ERC2: variants seen among roughly 807,000 people sequenced by gnomAD.
ERC2 encodes the protein ELKS/RAB6-interacting/CAST family member 2, also known as ERC protein 2.
In ERC2, 42 loss-of-function variants were observed where a neutral mutation model predicts 114.8. The ratio of observed to expected loss-of-function variants is 0.37; its 90% CI spans 0.29 to 0.47. The LOEUF is 0.47. Among genes scored for constraint, ERC2 ranks in the 20% least tolerant of loss-of-function variants. ERC2 has a pLI of 0.99. For synonymous variants in ERC2, 454 were observed against 425.5 expected (o/e 1.07, Z -0.82); for missense variants, 939 against 1,150.7 (o/e 0.82, Z 2.66).
chr3:55,650,186 G>A (rs1361912285), intron 17 of ERC2, among the ~76,000 whole-genome samples: 1 of 152,120 alleles, frequency 6.6e-6, no homozygotes, highest in African/African-American at 2.4e-5. Context: ...CCACTGAAAC[G>A]CCCACCCCAC....
At chr3:56,017,772 A>G (rs953866423) in intron 8 of ERC2, among the ~76,000 whole-genome samples, 1 of 152,046 alleles carries the variant, frequency 6.6e-6, no homozygotes. Flanking sequence ...CTGTCTCCCC[A>G]TCACCTCCAC....
intron 6 of ERC2, among the ~76,000 whole-genome samples, chr3:56,097,136 T>G (rs2078105785): frequency 6.6e-6 from 1 of 152,206 alleles, no homozygotes; most frequent in Non-Finnish European, 1.5e-5. Context: ...CTGTGCAAAT[T>G]TACCTTGGCC....
At chr3:55,529,847 C>T (rs186084954) in intron 17 of ERC2, among the ~76,000 whole-genome samples, 1 of 152,216 alleles carries the variant, frequency 6.6e-6, no homozygotes, top group South Asian at 2.1e-4. Flanking sequence ...TGGCTGACTA[C>T]TGTGATTCAA....
chr3:55,879,048 A>G (rs1474230297), intron 14 of ERC2, among the ~76,000 whole-genome samples: 3 of 150,698 alleles, frequency 2.0e-5, no homozygotes. Flanking sequence ...TAAACCATGC[A>G]GTAACTTTCT....
chr3:56,395,705 A>G (rs915900731), intron 2 of ERC2, among the ~76,000 whole-genome samples: 11 of 152,248 alleles, frequency 7.2e-5, no homozygotes, highest in African/African-American at 2.7e-4. Context: ...AGATGCCAGC[A>G]CCATGTTTCC....
At position 55,714,667 on chromosome 3, in the gene ERC2, GTATATATA is replaced by G. The variant is rs59969304; in HGVS notation, c.2713-15163_2713-15156del. 2.9e-3 allele frequency among the ~76,000 whole-genome samples: 254 copies of G among 88,512 alleles called. 1 individual carries two copies. The highest frequency in any genetic ancestry group is 3.6e-3 in the Non-Finnish European group (170 of 46,920). The allele number at this position is 88,512 out of a possible 152,430, so 58.1% of individuals were successfully genotyped here. ...TGTGTGTGTGTGTGTGTGTGTGTGT[GTATATATA>G]TATATATATATATATATATATATAT... On this transcript the variant is annotated intron_variant, in intron 15 of 17. Coordinates refer to ENST00000288221, the MANE Select transcript of ERC2 (RefSeq NM_015576.3).
intron 6 of ERC2, among the ~76,000 whole-genome samples, chr3:56,092,064 T>A (rs1253216862): frequency 6.6e-6 from 1 of 152,220 alleles, no homozygotes; most frequent in Non-Finnish European, 1.5e-5. Flanking sequence ...TACATGTTTC[T>A]CTTAGGTTGT....
chr3:55,752,774 T>TC (rs55680917), intron 14 of ERC2, among the ~76,000 whole-genome samples: 125,346 of 152,126 alleles, frequency 0.82, 52,141 homozygotes, highest in African/African-American at 0.94. Context: ...ACCCGGGTAT[T>TC]TATAATTTTA....
At chr3:55,555,542 G>T (rs915751475) in intron 17 of ERC2, among the ~76,000 whole-genome samples, 1 of 152,206 alleles carries the variant, frequency 6.6e-6, no homozygotes, top group Non-Finnish European at 1.5e-5. Flanking sequence ...AAATTAGGCT[G>T]CCCAGCAAAA....
chr3:55,615,344 C>A (rs2059079457), intron 17 of ERC2, among the ~76,000 whole-genome samples: 1 of 152,204 alleles, frequency 6.6e-6, no homozygotes, highest in Non-Finnish European at 1.5e-5. Flanking sequence ...CAGAGATTAA[C>A]AAGAAAATCA....
chr3:56,105,468 AC>A (rs1213611795), intron 6 of ERC2, among the ~76,000 whole-genome samples: 1 of 152,040 alleles, frequency 6.6e-6, no homozygotes, highest in Non-Finnish European at 1.5e-5. Context: ...GTGCATCACC[AC>A]ACCTAAGTTG....
intron 16 of ERC2, among the ~76,000 whole-genome samples, chr3:55,684,640 T>C (rs997064534): frequency 1.3e-5 from 2 of 152,244 alleles, no homozygotes; most frequent in Admixed American, 6.5e-5. Flanking sequence ...GAAACTTCTT[T>C]GGTTGGAATT....
intron 7 of ERC2, among the ~76,000 whole-genome samples, chr3:56,078,557 C>T (rs985926349): frequency 2.0e-5 from 3 of 152,058 alleles, no homozygotes; most frequent in African/African-American, 2.4e-5. Flanking sequence ...GCCTCTGCAC[C>T]GAAACAAATG....
At chr3:56,176,270 A>C (rs888800111) in intron 3 of ERC2, among the ~76,000 whole-genome samples, 5 of 152,190 alleles carry the variant, frequency 3.3e-5, no homozygotes, top group Middle Eastern at 6.3e-3. Context: ...TTATAACTTG[A>C]GGAGAGAGGT....
intron 1 of ERC2, among the ~76,000 whole-genome samples, chr3:56,443,021 T>G (rs928494849): frequency 3.3e-5 from 5 of 152,176 alleles, no homozygotes; most frequent in African/African-American, 1.2e-4. Flanking sequence ...CCAATCAGAA[T>G]TGACCTCTAA....
chr3:55,540,551 G>T (rs1404737578), intron 17 of ERC2, among the ~76,000 whole-genome samples: 1 of 152,206 alleles, frequency 6.6e-6, no homozygotes, highest in Non-Finnish European at 1.5e-5. Flanking sequence ...CAGCCACTGA[G>T]TTGCTCTCTG....
intron 13 of ERC2, among the ~76,000 whole-genome samples, chr3:55,910,814 G>A (rs1018288240): frequency 6.6e-6 from 1 of 152,172 alleles, no homozygotes; most frequent in African/African-American, 2.4e-5. Context: ...TTGAACCCAG[G>A]CTGTCAGTCT....
intron 14 of ERC2, among the ~76,000 whole-genome samples, chr3:55,802,627 T>C (rs192352692): frequency 8.5e-5 from 13 of 152,364 alleles, no homozygotes; most frequent in African/African-American, 2.4e-4. Context: ...CAAAAGTTTA[T>C]TGAGAATTTT....
At chr3:56,052,845 C>G (rs1407785672) in intron 7 of ERC2, among the ~76,000 whole-genome samples, 1 of 152,142 alleles carries the variant, frequency 6.6e-6, no homozygotes, top group African/African-American at 2.4e-5. Context: ...GTCAGCCCTA[C>G]CCTATCTGAA....
Sources: allele counts gnomAD v4.1 joint callset (sites outside exome capture counted in the v4.1 genomes callset), GRCh38; gene constraint gnomAD v4.1.1; transcripts MANE v1.5; gene names NCBI Gene and HGNC (gene_info 2026-07-23, HGNC 2026-07-21).